CDC20B: variants seen among roughly 807,000 people sequenced by gnomAD.
CDC20B encodes the protein cell division cycle protein 20 homolog B.
A neutral mutation model predicts 64.1 loss-of-function variants in CDC20B; 58 were observed. The observed-to-expected ratio is 0.90, with a 90% CI of 0.73 to 1.13. The LOEUF (loss-of-function observed/expected upper bound fraction) is 1.13, where lower values mean the gene tolerates loss of function less well. Ranked by LOEUF, CDC20B falls within the 50% of genes most tolerant of loss-of-function variation. CDC20B has a pLI of 0.00. For missense variants in CDC20B, 597 were observed against 633.0 expected (o/e 0.94, Z 0.61); for synonymous variants, 243 against 230.6 (o/e 1.05, Z -0.49).
intron 3 of CDC20B, among the ~76,000 whole-genome samples, chr5:55,146,016 T>A (rs1427164401): frequency 1.3e-5 from 2 of 152,170 alleles, no homozygotes; most frequent in Admixed American, 1.3e-4. Flanking sequence ...CATATACATA[T>A]ATACATATAC....
intron 3 of CDC20B, among the ~76,000 whole-genome samples, chr5:55,144,634 T>C (rs886938069): frequency 1.3e-5 from 2 of 152,230 alleles, no homozygotes; most frequent in African/African-American, 4.8e-5. Flanking sequence ...CTCTTTGTCC[T>C]GAGAAATTAT....
Position 55,128,538 on chromosome 5 carries a change from C to T in CDC20B, c.777G>A (p.Glu259=), listed in dbSNP as rs78692665. The T allele has an allele frequency of 7.4e-3, 11,954 of 1,610,978 alleles. 63 individuals are homozygous for T. Among genetic ancestry groups the T allele is most frequent in the Non-Finnish European group, 9.1e-3 (10,716 of 1,179,296 alleles). The change falls in exon 7 of 12, where the codon GAG becomes GAA. Residue 259 remains glutamate (E), a synonymous_variant. Coordinates refer to ENST00000381375, the MANE Select transcript of CDC20B (RefSeq NM_001170402.1). ...LGSAVYIWNG[E]NHNGIENIDL... ...CTATGTTTTCAATCCCATTGTGGTT[C>T]TCCCCATTCCAGATGTATACAGCAG...
At position 55,172,959 on chromosome 5, in the gene CDC20B, G is replaced by GC. The variant is rs1744674266; in HGVS notation, c.41dup (p.Thr15HisfsTer34). On this transcript the variant is annotated frameshift_variant, in exon 1 of 12. Coordinates refer to ENST00000381375, the MANE Select transcript of CDC20B (RefSeq NM_001170402.1). LOFTEE classifies it high-confidence loss of function. ...TCACCCACAGCATCTCCTCTTCCGT[G>GC]CGGACCCTCCGAGGCGCGGTGCGCT... 1 of 1,611,504 alleles carries GC rather than the reference G, an allele frequency of 6.2e-7. No individual in the cohort carries two copies. Among genetic ancestry groups the GC allele is most frequent in the African/African-American group, 1.3e-5 (1 of 74,864 alleles).
intron 3 of CDC20B, among the ~76,000 whole-genome samples, chr5:55,144,769 T>A (rs1045481583): frequency 6.6e-6 from 1 of 152,162 alleles, no homozygotes; most frequent in East Asian, 1.9e-4. Context: ...CACAGTTATA[T>A]ACAAAGAGGT....
At chr5:55,169,620 G>T (rs1353634811) in intron 2 of CDC20B, among the ~76,000 whole-genome samples, 1 of 152,150 alleles carries the variant, frequency 6.6e-6, no homozygotes, top group African/African-American at 2.4e-5. Context: ...TACAGAAAAT[G>T]AAGTGAAAGG....
At chr5:55,164,039 G>T (rs1413263438) in intron 2 of CDC20B, 6 of 1,537,350 alleles carry the variant, frequency 3.9e-6, no homozygotes, top group Middle Eastern at 1.7e-4. Flanking sequence ...ATGAAAATAT[G>T]TTCTGGATAT....
chr5:55,161,082 C>A (rs182510529), intron 2 of CDC20B: 4 of 1,614,162 alleles, frequency 2.5e-6, no homozygotes, highest in East Asian at 4.5e-5. Context: ...GAGTTTGGAC[C>A]ATCCCACTTC....
intron 5 of CDC20B, among the ~76,000 whole-genome samples, 184 bp downstream of exon 5, chr5:55,140,125 CACCTA>C (rs1218485402): frequency 6.6e-6 from 1 of 152,030 alleles, no homozygotes; most frequent in African/African-American, 2.4e-5. Flanking sequence ...TAAAGGTGGT[CACCTA>C]TAGAGAATGG....
chr5:55,146,106 T>A (rs1350096357), intron 3 of CDC20B, among the ~76,000 whole-genome samples: 1 of 152,182 alleles, frequency 6.6e-6, no homozygotes, highest in South Asian at 2.1e-4. Flanking sequence ...AAATTTTGCC[T>A]GAGGATGTAG....
intron 2 of CDC20B, among the ~76,000 whole-genome samples, chr5:55,158,483 G>C (rs902889186): frequency 2.0e-5 from 3 of 152,080 alleles, no homozygotes; most frequent in Non-Finnish European, 2.9e-5. Flanking sequence ...GGAGTCGAGC[G>C]GTTCCTCTCA....
intron 2 of CDC20B, among the ~76,000 whole-genome samples, chr5:55,149,637 A>G (rs1164417382): frequency 6.6e-6 from 1 of 152,250 alleles, no homozygotes; most frequent in African/African-American, 2.4e-5. Flanking sequence ...TTCCATCTAT[A>G]TGAAATAGTC....
intron 5 of CDC20B, among the ~76,000 whole-genome samples, chr5:55,134,217 G>T (rs75479297): frequency 1.5e-3 from 223 of 152,212 alleles, no homozygotes; most frequent in African/African-American, 5.3e-3. Flanking sequence ...AACTGAGAAT[G>T]ATAAAATCAA....
chr5:55,156,904 G>T (rs1743825212), intron 2 of CDC20B, among the ~76,000 whole-genome samples: 1 of 152,044 alleles, frequency 6.6e-6, no homozygotes, highest in Admixed American at 6.6e-5. Flanking sequence ...AAAAAAATAA[G>T]TCATTTATTT....
chr5:55,114,164 A>G lies in CDC20B; in HGVS notation c.*54T>C. 6.3e-7 allele frequency: 1 copy of G among 1,576,814 alleles called. No homozygotes were observed. The highest frequency in any genetic ancestry group is 8.6e-7 in the Non-Finnish European group (1 of 1,161,604). ...AAACCCCATGGAGAAGACATAGCCA[A>G]CATCATCATCTTCACTCAGAAATAA... On this transcript the variant is annotated 3_prime_UTR_variant, in exon 12 of 12. Coordinates refer to ENST00000381375, the MANE Select transcript of CDC20B (RefSeq NM_001170402.1). The surrounding 1 kb of genome is among the most constrained non-coding windows in gnomAD (Gnocchi z 4.1).
chr5:55,127,244 AGAC>A lies in CDC20B; in HGVS notation c.989+10_989+12del, dbSNP rs1742915608. ...AATACAAACATAACTGTCTCCAACA[AGAC>A]GCTTCTTACCTGCTGAGGATAAAGT... On this transcript the variant is annotated intron_variant, in intron 8 of 11. Transcript: ENST00000381375. The A allele has an allele frequency of 1.9e-6, 3 of 1,607,342 alleles. No homozygotes were observed. The highest frequency in any genetic ancestry group is 2.6e-6 in the Non-Finnish European group (3 of 1,173,878).
chr5:55,119,399 C>T (rs1385640806), intron 11 of CDC20B, among the ~76,000 whole-genome samples: 3 of 152,180 alleles, frequency 2.0e-5, no homozygotes, highest in Admixed American at 1.3e-4. Flanking sequence ...GGCAGATGTT[C>T]ACAGAGGAAG....
intron 2 of CDC20B, 83 bp downstream of exon 2, chr5:55,172,505 T>C: frequency 8.7e-7 from 1 of 1,151,588 alleles, no homozygotes; most frequent in South Asian, 1.3e-5. Context: ...AGCTCAAACT[T>C]CCTACAAATA....
At chr5:55,132,406 A>C (rs1010120206) in intron 6 of CDC20B, among the ~76,000 whole-genome samples, 5 of 152,122 alleles carry the variant, frequency 3.3e-5, no homozygotes, top group Admixed American at 3.3e-4. Flanking sequence ...AACTACCAGC[A>C]TTCGTTTCAA....
chr5:55,152,000 T>C (rs1743679426), intron 2 of CDC20B, among the ~76,000 whole-genome samples: 1 of 152,182 alleles, frequency 6.6e-6, no homozygotes, highest in African/African-American at 2.4e-5. Context: ...CTAAATGCAA[T>C]CACATGTATC....
Sources: gnomAD v4.1 joint callset for allele counts (sites outside exome capture counted in the v4.1 genomes callset) on GRCh38, gnomAD v4.1.1 for gene constraint, Gnocchi (gnomAD v3.1) non-coding constraint, MANE v1.5 for transcripts, NCBI Gene and HGNC (gene_info 2026-07-23, HGNC 2026-07-21) for gene names.